The following TRPM6 variants were observed in gnomAD, a reference collection of about 807,000 sequenced individuals.
TRPM6 encodes transient receptor potential cation channel subfamily M member 6, also known as channel kinase 2.
A neutral mutation model predicts 247.6 loss-of-function variants in TRPM6; 111 were observed. The ratio of observed to expected loss-of-function variants is 0.45; its 90% CI spans 0.38 to 0.52. TRPM6 has a LOEUF of 0.52. Ranked by LOEUF, TRPM6 falls within the 20% of genes least tolerant of loss-of-function variation. The pLI, the probability that TRPM6 is intolerant of heterozygous loss-of-function variation, is 0.00. For missense variants in TRPM6, 2,126 were observed against 2,421.5 expected (o/e 0.88, Z 2.56); for synonymous variants, 892 against 853.8 (o/e 1.04, Z -0.78).
intron 12 of TRPM6, 26 bp downstream of exon 12, chr9:74,812,273 T>C: frequency 6.2e-7 from 1 of 1,612,888 alleles, no homozygotes; most frequent in South Asian, 1.1e-5. Context: ...TGGAGGGAAA[T>C]GATTGATGAA....
chr9:74,885,425 A>G (rs59087263), intron 1 of TRPM6, among the ~76,000 whole-genome samples: 1,787 of 152,334 alleles, frequency 0.012, 32 homozygotes, highest in African/African-American at 0.04. Context: ...AACTAGTTAA[A>G]AGAGATGAAC....
At chr9:74,727,381 C>CAAAAAA (rs763828073) in intron 38 of TRPM6, among the ~76,000 whole-genome samples, 13 of 52,234 alleles carry the variant, frequency 2.5e-4, no homozygotes, top group East Asian at 5.9e-4. Context: ...GACTCCGTCT[C>CAAAAAA]AAAAAAAAAA....
At chr9:74,789,416 G>A (rs1453707242) in intron 19 of TRPM6, among the ~76,000 whole-genome samples, 1 of 152,076 alleles carries the variant, frequency 6.6e-6, no homozygotes, top group East Asian at 1.9e-4. Flanking sequence ...TTAAGACATA[G>A]TGATCACACA....
rs766032778 is a variant in TRPM6, at chr9:74,812,391, C to T, written c.1351G>A (p.Asp451Asn). The T allele has an allele frequency of 6.2e-7, 1 of 1,613,908 alleles. No homozygotes were observed. Among genetic ancestry groups the T allele is most frequent in the Non-Finnish European group, 8.5e-7 (1 of 1,179,992 alleles). ...AAGAGCTTCACAAAATCCACCCGAT[C>T]CATCACTAAAGCATCTGACATTGCT... ...EQAMSDALVM[D>N]RVDFVKLLIE... The change falls in exon 12 of 39, where the codon GAT (aspartate) becomes AAT (asparagine). Residue 451 changes from aspartate (D) to asparagine (N), a missense_variant. By Grantham distance (23) the Asp-to-Asn change is conservative. Around this residue, in one of 3 missense-constraint regions of TRPM6, gnomAD observed 1,082 missense variants for 1,307.9 expected, o/e 0.83. Transcript: ENST00000360774.
chr9:74,739,704 C>A lies in TRPM6; in HGVS notation c.5487+19G>T. On this transcript the variant is annotated intron_variant, in intron 34 of 38. Transcript: ENST00000360774. The stretch of plus-strand genomic sequence containing the variant: ...TGACTTGTCCCTCTGGGCTATGGGT[C>A]TCTGAGTTTCAGACTTACCCTGAGG... 1 of 1,609,502 alleles carries A rather than the reference C, an allele frequency of 6.2e-7. No homozygotes were observed. The highest frequency in any genetic ancestry group is 1.1e-5 in the South Asian group (1 of 91,054).
chr9:74,727,381 C>CA (rs763828073), intron 38 of TRPM6, among the ~76,000 whole-genome samples: 3,259 of 49,580 alleles, frequency 0.066, 128 homozygotes, highest in African/African-American at 0.11. Flanking sequence ...GACTCCGTCT[C>CA]AAAAAAAAAA....
chr9:74,776,591 C>T (rs1454412087), intron 23 of TRPM6, among the ~76,000 whole-genome samples: 1 of 152,144 alleles, frequency 6.6e-6, no homozygotes, highest in Non-Finnish European at 1.5e-5. Context: ...CTATTAAAAT[C>T]CAGACAAATT....
intron 30 of TRPM6, 68 bp downstream of exon 30, chr9:74,750,596 T>C: frequency 7.4e-7 from 1 of 1,357,876 alleles, no homozygotes. Context: ...AATTAAACCT[T>C]TGCTCCTAAC....
chr9:74,837,023 A>G (rs1465541648), intron 5 of TRPM6, among the ~76,000 whole-genome samples: 7 of 152,136 alleles, frequency 4.6e-5, no homozygotes, highest in Non-Finnish European at 8.8e-5. Flanking sequence ...ATTTCTCACT[A>G]GTTGCTTTTT....
At chr9:74,795,738 C>G (rs980322049) in intron 18 of TRPM6, among the ~76,000 whole-genome samples, 1 of 152,198 alleles carries the variant, frequency 6.6e-6, no homozygotes, top group African/African-American at 2.4e-5. Flanking sequence ...CAAGTCATCA[C>G]AGGTCATGTT....
At chr9:74,883,952 C>T (rs1055802979) in intron 1 of TRPM6, among the ~76,000 whole-genome samples, 5 of 152,040 alleles carry the variant, frequency 3.3e-5, no homozygotes, top group African/African-American at 1.2e-4. Context: ...GAGTTCGAGA[C>T]CATCCTGACC....
intron 9 of TRPM6, among the ~76,000 whole-genome samples, chr9:74,819,839 C>T (rs1284449091): frequency 2.6e-5 from 4 of 152,124 alleles, no homozygotes; most frequent in African/African-American, 7.2e-5. Flanking sequence ...ATACTAAGTG[C>T]TTTTTCTGTA....
At chr9:74,730,464 T>C (rs1825484606) in intron 37 of TRPM6, among the ~76,000 whole-genome samples, 1 of 152,238 alleles carries the variant, frequency 6.6e-6, no homozygotes, top group African/African-American at 2.4e-5. Context: ...CCATCTTCAC[T>C]GAGCCTAAGT....
chr9:74,730,246 C>T lies in TRPM6; in HGVS notation c.5829-1901G>A, dbSNP rs186345070. On this transcript the variant is annotated intron_variant, in intron 37 of 38. Coordinates refer to ENST00000360774, the MANE Select transcript of TRPM6 (RefSeq NM_017662.5). ...GATCTACTAAAGAACATCTCATCAT[C>T]GTTTCATACTTGTCAAATGCCCAAA... 9.9e-5 allele frequency among the ~76,000 whole-genome samples: 15 copies of T among 152,280 alleles called. 1 individual carries two copies. Among genetic ancestry groups the T allele is most frequent in the Admixed American group, 8.5e-4 (13 of 15,300 alleles).
chr9:74,817,445 C>G (rs1828975612), intron 9 of TRPM6, among the ~76,000 whole-genome samples: 1 of 152,214 alleles, frequency 6.6e-6, no homozygotes, highest in Admixed American at 6.5e-5. Context: ...CCGGTCTCAG[C>G]CTCCCAAAGT....
At chr9:74,781,410 C>G (rs913119323) in intron 23 of TRPM6, among the ~76,000 whole-genome samples, 2 of 151,634 alleles carry the variant, frequency 1.3e-5, no homozygotes, top group Non-Finnish European at 2.9e-5. Flanking sequence ...GTGGCAGGCG[C>G]CTGTAATCCC....
intron 1 of TRPM6, among the ~76,000 whole-genome samples, chr9:74,877,725 GCC>G (rs1831236362): frequency 6.6e-6 from 1 of 152,252 alleles, no homozygotes; most frequent in South Asian, 2.1e-4. Flanking sequence ...AGGAAAGGCA[GCC>G]TCATTTAAAG....
At chr9:74,855,232 C>T (rs921463877) in intron 3 of TRPM6, among the ~76,000 whole-genome samples, 4 of 152,220 alleles carry the variant, frequency 2.6e-5, no homozygotes, top group African/African-American at 4.8e-5. Context: ...GCGCATGCAG[C>T]ATCTTCATTA....
intron 23 of TRPM6, among the ~76,000 whole-genome samples, chr9:74,776,635 T>C (rs1564008798): frequency 6.6e-6 from 1 of 152,156 alleles, no homozygotes; most frequent in East Asian, 1.9e-4. Context: ...AGTAACTCCT[T>C]ATTGGTAGGT....
Sources: allele counts gnomAD v4.1 joint callset (sites outside exome capture counted in the v4.1 genomes callset), GRCh38; gene constraint gnomAD v4.1.1; regional missense constraint gnomAD v4.1.1; transcripts MANE v1.5; gene names NCBI Gene and HGNC (gene_info 2026-07-23, HGNC 2026-07-21).